Variants in CDH11 observed in about 807,000 individuals in gnomAD.
CDH11 encodes cadherin 11.
A neutral mutation model predicts 67.8 loss-of-function variants in CDH11; 11 were observed. The observed-to-expected ratio is 0.16, with a 90% CI of 0.10 to 0.27. CDH11 has a LOEUF of 0.27. Ranked by LOEUF, CDH11 falls within the 10% of genes least tolerant of loss-of-function variation. CDH11 has a pLI of 1.00. For missense variants in CDH11, 847 were observed against 1,031.2 expected, an observed-to-expected ratio of 0.82 and a Z score of 2.45; for synonymous variants, 419 against 400.0, an observed-to-expected ratio of 1.05 and a Z score of -0.57.
At chr16:65,046,050 G>T (rs1391353392) in intron 2 of CDH11, among the ~76,000 whole-genome samples, 4 of 152,132 alleles carry the variant, frequency 2.6e-5, no homozygotes, top group Non-Finnish European at 5.9e-5. Context: ...CATGCTGTTC[G>T]AAGTCCCTCT....
At chr16:65,060,485 C>T (rs1567554903) in intron 1 of CDH11, among the ~76,000 whole-genome samples, 1 of 151,730 alleles carries the variant, frequency 6.6e-6, no homozygotes, top group Non-Finnish European at 1.5e-5. Flanking sequence ...ACTTTTTAAA[C>T]TTTTTTTTAG....
intron 1 of CDH11, among the ~76,000 whole-genome samples, chr16:65,069,793 G>T (rs2074384181): frequency 6.6e-6 from 1 of 152,148 alleles, no homozygotes; most frequent in South Asian, 2.1e-4. Flanking sequence ...AACCTTAGAA[G>T]GTTCTCCCTG....
chr16:64,986,630 C>T (rs2072493756), intron 7 of CDH11: 1 of 151,980 alleles, frequency 6.6e-6, no homozygotes, highest in African/African-American at 2.4e-5. Context: ...ACACAATTCA[C>T]ACAGCTACTT....
At chr16:65,045,116 T>C (rs2073932037) in intron 2 of CDH11, among the ~76,000 whole-genome samples, 1 of 151,268 alleles carries the variant, frequency 6.6e-6, no homozygotes, top group South Asian at 2.1e-4. Context: ...ATGATGTAAA[T>C]GGTTTGGGGC....
intron 1 of CDH11, among the ~76,000 whole-genome samples, chr16:65,084,945 C>T (rs1421254755): frequency 2.6e-5 from 4 of 152,238 alleles, no homozygotes; most frequent in Non-Finnish European, 4.4e-5. Flanking sequence ...GCTTCACTCT[C>T]ATTGTCCAGG....
chr16:65,119,874 T>C (rs1237799235), intron 1 of CDH11, among the ~76,000 whole-genome samples: 1 of 152,226 alleles, frequency 6.6e-6, no homozygotes, highest in Non-Finnish European at 1.5e-5. Context: ...TGCCTTTCCC[T>C]GGTCTCTACT....
chr16:64,978,442 A>G lies in CDH11; in HGVS notation c.1253+3606T>C, dbSNP rs544288804. ...AGAAGACATAGATAATATGCAAACA[A>G]ATGATGTGACTATCTTCCCATATAA... On this transcript the variant is annotated intron_variant, in intron 8 of 12. Coordinates refer to ENST00000268603, the MANE Select transcript of CDH11 (RefSeq NM_001797.4). Among the ~76,000 whole-genome samples the G allele has an allele frequency of 3.3e-5, 5 of 152,346 alleles. No homozygotes were observed. The South Asian group carries it at 1.0e-3, about 32-fold the overall frequency.
intron 8 of CDH11, among the ~76,000 whole-genome samples, chr16:64,973,467 T>C (rs2072069362): frequency 6.6e-6 from 1 of 152,176 alleles, no homozygotes; most frequent in Admixed American, 6.5e-5. Flanking sequence ...TGTATTTAAA[T>C]TTATCAAGAT....
chr16:64,947,666 T>C lies in CDH11; in HGVS notation c.2328A>G (p.Gly776=), dbSNP rs1359598162. 6.2e-7 allele frequency: 1 copy of C among 1,614,020 alleles called. No homozygotes were observed. Among genetic ancestry groups the C allele is most frequent in the African/African-American group, 1.3e-5 (1 of 75,006 alleles). The change falls in exon 13 of 13, where the codon GGA becomes GGG. Residue 776 remains glycine (G), a synonymous_variant. Coordinates refer to ENST00000268603, the MANE Select transcript of CDH11 (RefSeq NM_001797.4). ...DLDYDYLQNW[G]PRFKKLADLY... ...AATCTGCTAGTTTCTTAAAACGAGGTCCCCAGTTCTGTAGATAATCATAGT... is the reference window on the plus strand; with the variant it reads ...AATCTGCTAGTTTCTTAAAACGAGGCCCCCAGTTCTGTAGATAATCATAGT...
intron 11 of CDH11, among the ~76,000 whole-genome samples, chr16:64,965,205 CAAAAAAAAAAAA>C (rs71143537): frequency 1.6e-4 from 9 of 56,958 alleles, no homozygotes; most frequent in African/African-American, 3.6e-4. Flanking sequence ...CTAAAAATAC[CAAAAAAAAAAAA>C]AAAAAAAAAA....
At chr16:65,044,682 T>A (rs1218585648) in intron 2 of CDH11, among the ~76,000 whole-genome samples, 1 of 151,924 alleles carries the variant, frequency 6.6e-6, no homozygotes, top group Admixed American at 6.6e-5. Flanking sequence ...GTGTCAAGCA[T>A]CACAATGCAT....
At chr16:65,011,435 A>ACAATCAGAC (rs1293689880) in intron 2 of CDH11, among the ~76,000 whole-genome samples, 20 of 152,290 alleles carry the variant, frequency 1.3e-4, no homozygotes, top group Non-Finnish European at 2.6e-4. Context: ...TTAAGTAAAT[A>ACAATCAGAC]CAATCAGACT....
At chr16:65,042,664 G>A (rs1275426004) in intron 2 of CDH11, among the ~76,000 whole-genome samples, 1 of 152,128 alleles carries the variant, frequency 6.6e-6, no homozygotes, top group Non-Finnish European at 1.5e-5. Flanking sequence ...GTAGAGAATT[G>A]CAAGAAAACC....
intron 5 of CDH11, among the ~76,000 whole-genome samples, 197 bp downstream of exon 5, chr16:64,992,718 C>A (rs2072661504): frequency 1.3e-5 from 2 of 152,226 alleles, no homozygotes; most frequent in Non-Finnish European, 2.9e-5. Context: ...TATGGGAAAA[C>A]CAACAATAAA....
At chr16:65,078,741 G>A (rs577982851) in intron 1 of CDH11, among the ~76,000 whole-genome samples, 72 of 152,216 alleles carry the variant, frequency 4.7e-4, no homozygotes, top group African/African-American at 1.5e-3. Flanking sequence ...ATTCCTGTGG[G>A]AGGCTCCTGG....
Position 64,988,224 on chromosome 16 carries a change from T to C in CDH11, c.932A>G (p.Asp311Gly), listed in dbSNP as rs201110794. ...TGTGATTTCAAACGATTCCATACCA[T>C]CTCCATCAACAATATTGTATGTGAC... ...GLVTYNIVDG[D>G]GMESFEITTD... is the part of the protein sequence containing the mutation. Residue 311 changes from aspartate (D) to glycine (G), a missense_variant, in exon 7 of 13, where the codon GAT (aspartate) becomes GGT (glycine). Coordinates refer to ENST00000268603, the MANE Select transcript of CDH11 (RefSeq NM_001797.4). The C allele has an allele frequency of 1.4e-4, 225 of 1,613,568 alleles. No homozygotes were observed. In the East Asian group the frequency reaches 4.2e-3, roughly 30 times the overall value.
intron 1 of CDH11, among the ~76,000 whole-genome samples, chr16:65,068,042 A>G (rs1360341938): frequency 3.5e-4 from 30 of 86,562 alleles, no homozygotes; most frequent in Non-Finnish European, 5.8e-4. Context: ...GAGGGAGGGA[A>G]GAAGGGAGGA....
intron 1 of CDH11, among the ~76,000 whole-genome samples, chr16:65,090,594 A>C (rs926610561): frequency 4.1e-4 from 63 of 152,284 alleles, no homozygotes; most frequent in African/African-American, 1.4e-3. Flanking sequence ...TTTACTTACA[A>C]CAGTTCTTCC....
At chr16:65,035,001 A>T (rs1011669549) in intron 2 of CDH11, among the ~76,000 whole-genome samples, 3 of 152,198 alleles carry the variant, frequency 2.0e-5, no homozygotes. Flanking sequence ...AGACCTAGTT[A>T]TGTTGGAACT....
Sources: allele counts gnomAD v4.1 joint callset (sites outside exome capture counted in the v4.1 genomes callset), GRCh38; gene constraint gnomAD v4.1.1; transcripts MANE v1.5; gene names NCBI Gene and HGNC (gene_info 2026-07-23, HGNC 2026-07-21).